Variants in ADAM19 observed in about 807,000 individuals in gnomAD.
ADAM19 encodes the protein ADAM metallopeptidase domain 19, also known as disintegrin and metalloproteinase domain-containing protein 19.
In ADAM19, 65 loss-of-function variants were observed where a neutral mutation model predicts 114.7. The observed-to-expected ratio is 0.57, with a 90% CI of 0.46 to 0.70. ADAM19 has a LOEUF of 0.70. Among genes scored for constraint, ADAM19 ranks in the 30% least tolerant of loss-of-function variants. ADAM19 has a pLI of 0.00. For missense variants in ADAM19, 1,063 were observed against 1,204.7 expected (o/e 0.88, Z 1.74); for synonymous variants, 466 against 460.5 (o/e 1.01, Z -0.15).
chr5:157,574,897 G>C (rs561820843), intron 1 of ADAM19, among the ~76,000 whole-genome samples: 1 of 152,242 alleles, frequency 6.6e-6, no homozygotes, highest in Non-Finnish European at 1.5e-5. Context: ...CGTGGAAAGA[G>C]AGCCCTGGTT....
Position 157,509,281 on chromosome 5 carries a change from T to C in ADAM19, c.905+20A>G, listed in dbSNP as rs777677219. On this transcript the variant is annotated intron_variant, in intron 9 of 22. Transcript: ENST00000257527. ...CTTTGCAGCCAAGGACAACACAACA[T>C]ATGGAAAAAGGCTATTTACGTGATT... 1.9e-6 allele frequency: 3 copies of C among 1,595,712 alleles called. No homozygotes were observed. The highest frequency in any genetic ancestry group is 2.6e-6 in the Non-Finnish European group (3 of 1,167,874).
chr5:157,490,185 A>G (rs1172049519), intron 19 of ADAM19, 125 bp downstream of exon 19: 1 of 1,029,550 alleles, frequency 9.7e-7, no homozygotes, highest in Non-Finnish European at 1.5e-6. Flanking sequence ...AGAGGGCAGC[A>G]TGTATCTTGC....
intron 2 of ADAM19, among the ~76,000 whole-genome samples, chr5:157,569,909 T>C (rs1757776227): frequency 6.6e-6 from 1 of 152,212 alleles, no homozygotes; most frequent in Non-Finnish European, 1.5e-5. Context: ...AGCTGGTTAC[T>C]GGCACACAAC....
Position 157,488,292 on chromosome 5 carries a change from G to C in ADAM19, c.2523C>G (p.Pro841=). 1 of 1,614,032 alleles carries C rather than the reference G, an allele frequency of 6.2e-7. No homozygotes were observed. The change falls in exon 21 of 23, where the codon CCC becomes CCG. Residue 841 remains proline, a synonymous_variant. Coordinates refer to ENST00000257527, the MANE Select transcript of ADAM19 (RefSeq NM_033274.5). ...GGGAAACGATGCAATTTGGTGCGGG[G>C]GGAATTGGCCGGCTTGGAGGAGGCC... ...SRRPPPSRPI[P]PAPNCIVSQD... is the part of the protein sequence containing the mutation.
At chr5:157,503,622 G>C (rs1755640178) in intron 11 of ADAM19, among the ~76,000 whole-genome samples, 1 of 152,164 alleles carries the variant, frequency 6.6e-6, no homozygotes, top group Non-Finnish European at 1.5e-5. Context: ...TTGCATGAGG[G>C]GGCTGCGATA....
At chr5:157,499,709 C>A (rs751531821) in intron 12 of ADAM19, 47 bp from the exon 13 acceptor site, 1 of 1,352,316 alleles carries the variant, frequency 7.4e-7, no homozygotes, top group South Asian at 1.2e-5. Context: ...GCCTTCACCA[C>A]CCCCAACATT....
rs958063004 is a variant in ADAM19 at position 157,506,415 on chromosome 5, G to A, written c.991-607C>T. On this transcript the variant is annotated intron_variant, in intron 10 of 22. Transcript: ENST00000257527. ...ATGATTATCAACTGTAAAACTATGC[G>A]TTTTTTACAGCTGAGAACACTCATT... Among the ~76,000 whole-genome samples the A allele has an allele frequency of 3.3e-5, 5 of 152,124 alleles. No individual in the cohort carries two copies. The East Asian group carries it at 7.7e-4, about 23-fold the overall frequency.
chr5:157,520,232 T>C (rs941137835), intron 5 of ADAM19, among the ~76,000 whole-genome samples: 1 of 152,014 alleles, frequency 6.6e-6, no homozygotes, highest in African/African-American at 2.4e-5. Context: ...CACTTATACA[T>C]AAAAAGTGGT....
chr5:157,480,788 G>A lies in ADAM19; in HGVS notation c.*161C>T. On this transcript the variant is annotated 3_prime_UTR_variant, in exon 23 of 23. Transcript: ENST00000257527. ...TCTGGGCTTCCAAGGAAGCCGAGGA[G>A]GCACTGAGTCAACAGGGAGATTTTT... 3 of 1,462,428 alleles carry A rather than the reference G, an allele frequency of 2.1e-6. No homozygotes were observed. The highest frequency in any genetic ancestry group is 2.7e-6 in the Non-Finnish European group (3 of 1,113,558). 90.6% of individuals were successfully genotyped at this position (1,462,428 alleles called of 1,614,324 possible).
At chr5:157,571,085 A>T (rs960946727) in intron 1 of ADAM19, 105 bp from the exon 2 acceptor site, 139 of 915,688 alleles carry the variant, frequency 1.5e-4, no homozygotes, top group Middle Eastern at 1.4e-3. Flanking sequence ...TCATTAGAAG[A>T]CTTGCTGGAT....
At chr5:157,482,572 T>C (rs897040304) in intron 21 of ADAM19, among the ~76,000 whole-genome samples, 2 of 152,232 alleles carry the variant, frequency 1.3e-5, no homozygotes, top group Non-Finnish European at 2.9e-5. Context: ...CTTGAGTTAA[T>C]TTTTGTATAA....
chr5:157,540,633 G>A (rs1444933878), intron 3 of ADAM19, among the ~76,000 whole-genome samples: 1 of 152,130 alleles, frequency 6.6e-6, no homozygotes, highest in East Asian at 1.9e-4. Flanking sequence ...CCAGCACCTA[G>A]CAAGCAGGCA....
intron 3 of ADAM19, among the ~76,000 whole-genome samples, chr5:157,551,566 A>G (rs563247069): frequency 4.6e-5 from 7 of 152,212 alleles, no homozygotes; most frequent in Non-Finnish European, 8.8e-5. Context: ...AAAATGGACA[A>G]ATGGGATCAC....
At position 157,520,020 on chromosome 5, in the gene ADAM19, G is replaced by A. The variant is rs773390573; in HGVS notation, c.419C>T (p.Thr140Met). The change falls in exon 6 of 23, where the codon ACG (threonine) becomes ATG (methionine). Residue 140 changes from threonine to methionine, a missense_variant. Coordinates refer to ENST00000257527, the MANE Select transcript of ADAM19 (RefSeq NM_033274.5). The part of the protein sequence containing the change: ...STCRGIRGLI[T>M]VSSNLSYVIE... ...GACGTAGCTGAGGTTGCTGCTCACC[G>A]TAATCAGTCCTCTGTTGAGAGGAGA... 1.4e-5 allele frequency: 23 copies of A among 1,613,496 alleles called. No individual in the cohort carries two copies. The highest frequency in any genetic ancestry group is 5.5e-5 in the South Asian group (5 of 91,032).
At chr5:157,516,068 C>A (rs1756081821) in intron 7 of ADAM19, among the ~76,000 whole-genome samples, 1 of 152,188 alleles carries the variant, frequency 6.6e-6, no homozygotes, top group Non-Finnish European at 1.5e-5. Context: ...TAAAGCAGCC[C>A]TCCCCTTTCC....
At position 157,481,908 on chromosome 5, in the gene ADAM19, G is replaced by A. The variant is rs778827274; in HGVS notation, c.2586C>T (p.Leu862=). 94 of 1,606,576 alleles carry A rather than the reference G, an allele frequency of 5.9e-5. No homozygotes were observed. Among genetic ancestry groups the A allele is most frequent in the Non-Finnish European group, 7.9e-5 (93 of 1,176,418 alleles). ...FSRPRPPQKA[L]PANPVPGRRS... ...TGCGGCCTGGCACTGGGTTTGCCGG[G>A]AGTGCCTTCTGGGGCGGCCGAGGCC... Residue 862 remains leucine (L), a synonymous_variant, in exon 22 of 23, where the codon CTC becomes CTT. Transcript: ENST00000257527.
intron 8 of ADAM19, among the ~76,000 whole-genome samples, chr5:157,510,233 G>C (rs1755874286): frequency 6.6e-6 from 1 of 152,184 alleles, no homozygotes; most frequent in African/African-American, 2.4e-5. Context: ...CCAGCACTCT[G>C]GGAGGCTAAG....
At chr5:157,549,075 C>A (rs1165919078) in intron 3 of ADAM19, among the ~76,000 whole-genome samples, 1 of 152,166 alleles carries the variant, frequency 6.6e-6, no homozygotes, top group Non-Finnish European at 1.5e-5. Context: ...ACACCTCCAT[C>A]CTCTTGGCTC....
intron 9 of ADAM19, 64 bp from the exon 10 acceptor site, chr5:157,507,204 G>A: frequency 6.6e-7 from 1 of 1,508,248 alleles, no homozygotes; most frequent in East Asian, 2.3e-5. Flanking sequence ...CAATGTGCCT[G>A]GGAGTAAGTG....
Sources: allele counts gnomAD v4.1 joint callset (sites outside exome capture counted in the v4.1 genomes callset), GRCh38; gene constraint gnomAD v4.1.1; transcripts MANE v1.5; gene names NCBI Gene and HGNC (gene_info 2026-07-23, HGNC 2026-07-21).